FLRT2: variants seen among roughly 807,000 people sequenced by gnomAD.
FLRT2 encodes the protein fibronectin leucine rich transmembrane protein 2, also known as leucine-rich repeat transmembrane protein FLRT2.
In FLRT2, 15 loss-of-function variants were observed where a neutral mutation model predicts 40.0. The observed-to-expected ratio is 0.38, with a 90% confidence interval of 0.25 to 0.58. The LOEUF (loss-of-function observed/expected upper bound fraction) is 0.58, where lower values mean the gene tolerates loss of function less well. Ranked by LOEUF, FLRT2 falls within the 20% of genes least tolerant of loss-of-function variation. FLRT2 has a pLI of 0.71. For missense variants in FLRT2, 726 were observed against 840.0 expected, an observed-to-expected ratio of 0.86 and a Z score of 1.68; for synonymous variants, 380 against 336.8, an observed-to-expected ratio of 1.13 and a Z score of -1.41.
chr14:85,598,915 G>GT lies in FLRT2; in HGVS notation c.-376-22224_-376-22223insT, dbSNP rs1212584195. On this transcript the variant is annotated intron_variant, in intron 1 of 1. Coordinates refer to ENST00000330753, the MANE Select transcript of FLRT2 (RefSeq NM_013231.6). ...TAAGATGAAATAAGAGAAATGGGATGGTTTTTTTTTTTTTTTTTTTGAGAC... is the reference window on the plus strand; with the variant it reads ...TAAGATGAAATAAGAGAAATGGGATGTGTTTTTTTTTTTTTTTTTTTGAGAC... Among the ~76,000 whole-genome samples, 7 of 87,300 alleles carry GT rather than the reference G, an allele frequency of 8.0e-5. 1 individual carries two copies. The highest frequency in any genetic ancestry group is 2.9e-4 in the African/African-American group (7 of 24,250). 57.3% of individuals were successfully genotyped at this position (87,300 alleles called of 152,430 possible). A position where few individuals can be genotyped will look rare whatever the true frequency, so the allele number is the denominator to read the frequency against.
rs1002677015 is a variant in FLRT2 at position 85,635,810 on chromosome 14, A to G, written c.*12313A>G. ...TTATAAAACCACTACTTAGCAGCTA[A>G]CAATGAAATGTTCATTTCAAAATGT... On this transcript the variant is annotated 3_prime_UTR_variant, in exon 2 of 2. Coordinates refer to ENST00000330753, the MANE Select transcript of FLRT2 (RefSeq NM_013231.6). The G allele has an allele frequency of 1.3e-5, 2 of 152,144 alleles. No individual in the cohort carries two copies. Among genetic ancestry groups the G allele is most frequent in the African/African-American group, 2.4e-5 (1 of 41,456 alleles). The allele number at this position is 152,144 out of a possible 1,614,324, so 9.4% of individuals were successfully genotyped here.
chr14:85,618,639 G>A lies in FLRT2; in HGVS notation c.-376-2500G>A, dbSNP rs985346705. On this transcript the variant is annotated intron_variant, in intron 1 of 1. Transcript: ENST00000330753. ...AAGATGTTATTTGAGACTGTCTCCC[G>A]GGGACAAAAGTGATTAGTATGCCTT... 7.9e-5 allele frequency among the ~76,000 whole-genome samples: 12 copies of A among 151,960 alleles called. No individual in the cohort carries two copies. The South Asian group carries it at 8.3e-4, about 11-fold the overall frequency.
chr14:85,565,698 A>G (rs184954954), intron 1 of FLRT2, among the ~76,000 whole-genome samples: 3 of 152,186 alleles, frequency 2.0e-5, no homozygotes, highest in Admixed American at 2.0e-4. Flanking sequence ...TCGAGTTGTC[A>G]TGCTTGAAAG....
chr14:85,588,249 C>T (rs982507873), intron 1 of FLRT2, among the ~76,000 whole-genome samples: 5 of 152,048 alleles, frequency 3.3e-5, no homozygotes, highest in African/African-American at 4.8e-5. Context: ...GAAAGACAGA[C>T]GGGCCTTAAT....
chr14:85,628,203 T>C lies in FLRT2; in HGVS notation c.*4706T>C, dbSNP rs1383341926. 6.6e-6 allele frequency: 1 copy of C among 152,242 alleles called. No individual in the cohort carries two copies. The highest frequency in any genetic ancestry group is 2.4e-5 in the African/African-American group (1 of 41,462). The allele number at this position is 152,242 out of a possible 1,614,324, so 9.4% of individuals were successfully genotyped here. ...ATACACAGAGCATCTTATTTTATAC[T>C]GGTGAAATCTATGTTGTTTAGGATA... On this transcript the variant is annotated 3_prime_UTR_variant, in exon 2 of 2. Transcript: ENST00000330753.
chr14:85,648,086 G>A lies in FLRT2; in HGVS notation c.*24589G>A, dbSNP rs1396050741. On this transcript the variant is annotated 3_prime_UTR_variant, in exon 2 of 2. Coordinates refer to ENST00000330753, the MANE Select transcript of FLRT2 (RefSeq NM_013231.6). ...TTACAGACTATCAGCTTGAAACTAT[G>A]ATTGGAATTGAAGGTTAAAGAAAAC... 6.6e-6 allele frequency: 1 copy of A among 152,108 alleles called. No homozygotes were observed. Among genetic ancestry groups the A allele is most frequent in the Non-Finnish European group, 1.5e-5 (1 of 68,016 alleles). The allele number at this position is 152,108 out of a possible 1,614,324, so 9.4% of individuals were successfully genotyped here. A position where few individuals can be genotyped will look rare whatever the true frequency, so the allele number is the denominator to read the frequency against.
intron 1 of FLRT2, among the ~76,000 whole-genome samples, chr14:85,544,600 C>T (rs1198124670): frequency 9.9e-5 from 15 of 152,114 alleles, no homozygotes; most frequent in Admixed American, 3.9e-4. Flanking sequence ...GAAATCACAA[C>T]GCCTTAATTT....
rs1258346312 is a variant in FLRT2 at position 85,636,347 on chromosome 14, A to C, written c.*12850A>C. On this transcript the variant is annotated 3_prime_UTR_variant, in exon 2 of 2. Transcript: ENST00000330753. Reference sequence around the variant, plus strand: ...CCTGGCAGTTTAAAGAACATCACTAACATTGCCTAAATGTAGGAAAATCAA... The same window carrying C: ...CCTGGCAGTTTAAAGAACATCACTACCATTGCCTAAATGTAGGAAAATCAA... 2 of 140,964 alleles carry C rather than the reference A, an allele frequency of 1.4e-5. No homozygotes were observed. Among genetic ancestry groups the C allele is most frequent in the Non-Finnish European group, 3.0e-5 (2 of 65,944 alleles). The allele number at this position is 140,964 out of a possible 1,614,324, so 8.7% of individuals were successfully genotyped here.
intron 1 of FLRT2, among the ~76,000 whole-genome samples, chr14:85,574,274 A>G (rs576898952): frequency 1.1e-4 from 16 of 151,272 alleles, no homozygotes; most frequent in African/African-American, 3.1e-4. Context: ...GTATAATAGT[A>G]TATTTAATAC....
intron 1 of FLRT2, among the ~76,000 whole-genome samples, chr14:85,608,912 T>G (rs1356427493): frequency 1.3e-5 from 2 of 152,184 alleles, no homozygotes; most frequent in Admixed American, 6.5e-5. Flanking sequence ...GTTTAAAAAG[T>G]GTAGGCACTT....
chr14:85,548,772 C>T (rs1466713224), intron 1 of FLRT2, among the ~76,000 whole-genome samples: 2 of 152,168 alleles, frequency 1.3e-5, no homozygotes, highest in East Asian at 3.9e-4. Flanking sequence ...GAGAGCCACA[C>T]CCTCAAGCCT....
chr14:85,628,724 A>G lies in FLRT2; in HGVS notation c.*5227A>G, dbSNP rs865970016. The G allele has an allele frequency of 1.1e-4, 16 of 152,200 alleles. No homozygotes were observed. The highest frequency in any genetic ancestry group is 7.9e-4 in the Admixed American group (12 of 15,286). The allele number at this position is 152,200 out of a possible 1,614,324, so 9.4% of individuals were successfully genotyped here. A position where few individuals can be genotyped will look rare whatever the true frequency, so the allele number is the denominator to read the frequency against. ...ACCTGTTTGTAGAATCTCTGTTGGAACATTGACTATGAAAGACAGTGCTAA... is the reference window on the plus strand; with the variant it reads ...ACCTGTTTGTAGAATCTCTGTTGGAGCATTGACTATGAAAGACAGTGCTAA... On this transcript the variant is annotated 3_prime_UTR_variant, in exon 2 of 2. Transcript: ENST00000330753.
intron 1 of FLRT2, among the ~76,000 whole-genome samples, chr14:85,610,329 G>T (rs1426318807): frequency 6.6e-6 from 1 of 152,038 alleles, no homozygotes; most frequent in Non-Finnish European, 1.5e-5. Flanking sequence ...TCTTCTCCAG[G>T]CTCTTGTTCT....
chr14:85,552,151 T>G (rs1476893526), intron 1 of FLRT2, among the ~76,000 whole-genome samples: 1 of 152,196 alleles, frequency 6.6e-6, no homozygotes, highest in Non-Finnish European at 1.5e-5. Flanking sequence ...GAGGCACAGT[T>G]TCTTCATCTG....
chr14:85,574,578 TG>T (rs1891041275), intron 1 of FLRT2, among the ~76,000 whole-genome samples: 1 of 152,182 alleles, frequency 6.6e-6, no homozygotes, highest in Non-Finnish European at 1.5e-5. Context: ...TTTCAATTTT[TG>T]GTTCCTTTTC....
chr14:85,590,078 A>G (rs1305479173), intron 1 of FLRT2, among the ~76,000 whole-genome samples: 3 of 149,606 alleles, frequency 2.0e-5, no homozygotes, highest in Non-Finnish European at 3.0e-5. Context: ...TTTTTTAAAC[A>G]TAACATTATA....
In FLRT2 at chr14:85,637,655, C is replaced by T. The variant is rs1055683702; in HGVS notation, c.*14158C>T. 1.3e-5 allele frequency: 2 copies of T among 152,208 alleles called. No individual in the cohort carries two copies. The highest frequency in any genetic ancestry group is 4.8e-5 in the African/African-American group (2 of 41,442). The allele number at this position is 152,208 out of a possible 1,614,324, so 9.4% of individuals were successfully genotyped here. ...TCTCAGACAGAGAAGGGTGCCTTCT[C>T]ATGTGATCAGGAGTGATGTAGCTTT... On this transcript the variant is annotated 3_prime_UTR_variant, in exon 2 of 2. Coordinates refer to ENST00000330753, the MANE Select transcript of FLRT2 (RefSeq NM_013231.6).
intron 1 of FLRT2, among the ~76,000 whole-genome samples, chr14:85,574,653 T>A (rs1891046656): frequency 1.2e-5 from 1 of 85,108 alleles, no homozygotes; most frequent in South Asian, 4.6e-4. Context: ...AATTGAAGAT[T>A]TTTTTTTTAG....
rs1437723636 is a variant in FLRT2, at chr14:85,623,133, C to G, written c.1619C>G (p.Pro540Arg). ...ACGACGTCCCACAGCATGGGCTCCC[C>G]CTTTCTGCTGGCGGGCTTGATCGGG... ...EQTTSHSMGS[P>R]FLLAGLIGGA... Residue 540 changes from proline (P) to arginine (R), a missense_variant, in exon 2 of 2, where the codon CCC becomes CGC. By Grantham distance (103) the Pro-to-Arg change is moderately radical. Coordinates refer to ENST00000330753, the MANE Select transcript of FLRT2 (RefSeq NM_013231.6). 3.1e-6 allele frequency: 5 copies of G among 1,603,980 alleles called. No homozygotes were observed. Among genetic ancestry groups the G allele is most frequent in the Non-Finnish European group, 4.3e-6 (5 of 1,174,248 alleles).
Sources: gnomAD v4.1 joint callset for allele counts (sites outside exome capture counted in the v4.1 genomes callset) on GRCh38, gnomAD v4.1.1 for gene constraint, MANE v1.5 for transcripts, NCBI Gene and HGNC (gene_info 2026-07-23, HGNC 2026-07-21) for gene names.